HIBADH: variants seen among roughly 807,000 people sequenced by gnomAD.
HIBADH encodes 3-hydroxyisobutyrate dehydrogenase, mitochondrial.
In HIBADH, 25 loss-of-function variants were observed where a neutral mutation model predicts 36.1. The observed-to-expected ratio is 0.69, with a 90% confidence interval of 0.50 to 0.97. The LOEUF is 0.97. Ranked by LOEUF, HIBADH falls within the 50% of genes least tolerant of loss-of-function variation. The pLI, the probability that HIBADH is intolerant of heterozygous loss-of-function variation, is 0.00. For synonymous variants in HIBADH, 160 were observed against 149.5 expected (o/e 1.07, Z -0.51); for missense variants, 421 against 418.0 (o/e 1.01, Z -0.06).
intron 2 of HIBADH, among the ~76,000 whole-genome samples, chr7:27,635,656 T>A (rs537176653): frequency 6.6e-6 from 1 of 152,210 alleles, no homozygotes; most frequent in Non-Finnish European, 1.5e-5. Flanking sequence ...ACTGGAAGCA[T>A]GTGCAATGAT....
intron 1 of HIBADH, among the ~76,000 whole-genome samples, chr7:27,653,461 C>A (rs1016703511): frequency 1.3e-5 from 2 of 152,238 alleles, no homozygotes; most frequent in African/African-American, 4.8e-5. Flanking sequence ...ACCGGCCGGG[C>A]GTGGTGGCTC....
intron 5 of HIBADH, among the ~76,000 whole-genome samples, chr7:27,541,222 C>T (rs1444260270): frequency 6.8e-6 from 1 of 146,828 alleles, no homozygotes; most frequent in Non-Finnish European, 1.5e-5. Flanking sequence ...ATGATTTTTT[C>T]TTAATGGCGC....
intron 4 of HIBADH, among the ~76,000 whole-genome samples, chr7:27,603,043 C>T (rs1268762063): frequency 1.3e-5 from 2 of 152,090 alleles, no homozygotes; most frequent in African/African-American, 4.8e-5. Context: ...GTCGTTTTCA[C>T]CCCTTTTTTC....
intron 4 of HIBADH, among the ~76,000 whole-genome samples, chr7:27,603,268 C>A (rs1785163675): frequency 6.6e-6 from 1 of 152,116 alleles, no homozygotes; most frequent in East Asian, 1.9e-4. Flanking sequence ...AATGATGATG[C>A]TGCTGCATTT....
intron 4 of HIBADH, among the ~76,000 whole-genome samples, chr7:27,556,463 T>A (rs1784390463): frequency 6.6e-6 from 1 of 152,208 alleles, no homozygotes; most frequent in Non-Finnish European, 1.5e-5. Context: ...TTAATGGTTT[T>A]TTATTATTTG....
In HIBADH at chr7:27,550,157, C is replaced by T. The variant is rs141495631; in HGVS notation, c.485-7057G>A. Among the ~76,000 whole-genome samples the T allele has an allele frequency of 7.4e-3, 1,129 of 152,270 alleles. 10 individuals are homozygous for T. The highest frequency in any genetic ancestry group is 0.025 in the African/African-American group (1,044 of 41,550). On this transcript the variant is annotated intron_variant, in intron 4 of 7. Transcript: ENST00000265395. Reference sequence around the variant, plus strand: ...ATCTCTTTGCCTCATGATCCTCCTGCCTCGGCCTCCCAAAGTGCTGGGATT... The same window carrying T: ...ATCTCTTTGCCTCATGATCCTCCTGTCTCGGCCTCCCAAAGTGCTGGGATT...
chr7:27,624,270 A>G (rs1562648927), intron 4 of HIBADH, among the ~76,000 whole-genome samples: 1 of 152,228 alleles, frequency 6.6e-6, no homozygotes, highest in African/African-American at 2.4e-5. Context: ...CAACAAGAAC[A>G]AGGCTAGAGA....
At chr7:27,572,231 T>C (rs1307470861) in intron 4 of HIBADH, among the ~76,000 whole-genome samples, 2 of 152,216 alleles carry the variant, frequency 1.3e-5, no homozygotes, top group Non-Finnish European at 2.9e-5. Context: ...TACTACTCGA[T>C]TATTTGGTCA....
At chr7:27,552,043 T>C (rs377121825) in intron 4 of HIBADH, among the ~76,000 whole-genome samples, 1 of 152,244 alleles carries the variant, frequency 6.6e-6, no homozygotes, top group African/African-American at 2.4e-5. Context: ...AGAAAGCTGC[T>C]ACTCAACGAA....
chr7:27,601,115 G>A, intron 4 of HIBADH, among the ~76,000 whole-genome samples: 1 of 152,056 alleles, frequency 6.6e-6, no homozygotes. Flanking sequence ...AACTGTAAAA[G>A]TTAAATCATG....
chr7:27,649,483 G>C lies in HIBADH; in HGVS notation c.242C>G (p.Ala81Gly), dbSNP rs887130025. 2 of 1,610,352 alleles carry C rather than the reference G, an allele frequency of 1.2e-6. No individual in the cohort carries two copies. Among genetic ancestry groups the C allele is most frequent in the Admixed American group, 1.7e-5 (1 of 59,500 alleles). The change falls in exon 2 of 8, where the codon GCA (alanine) becomes GGA (glycine). Residue 81 changes from alanine to glycine, a missense_variant. Ala to Gly is a moderately conservative substitution (Grantham distance 60). Coordinates refer to ENST00000265395, the MANE Select transcript of HIBADH (RefSeq NM_152740.4). ...FPDACKEFQD[A>G]GEQVVSSPAD... is the part of the protein sequence containing the mutation. ...AAGAAAAGGTCTTACCTGTTCACCT[G>C]CATCTTGAAACTCTTTGCAGGCATC...
intron 7 of HIBADH, among the ~76,000 whole-genome samples, chr7:27,530,530 A>AAAAC (rs202102262): frequency 3.9e-5 from 6 of 151,958 alleles, no homozygotes; most frequent in Non-Finnish European, 7.4e-5. Context: ...TTAATCAGGA[A>AAAAC]AAACAAACAA....
intron 4 of HIBADH, among the ~76,000 whole-genome samples, chr7:27,601,687 T>C (rs1400430583): frequency 2.0e-5 from 3 of 152,040 alleles, no homozygotes; most frequent in Admixed American, 6.5e-5. Flanking sequence ...CTAAATAAGG[T>C]ATTCTGGCTT....
intron 4 of HIBADH, among the ~76,000 whole-genome samples, chr7:27,586,965 C>T (rs1784874808): frequency 6.6e-6 from 1 of 152,230 alleles, no homozygotes; most frequent in Non-Finnish European, 1.5e-5. Flanking sequence ...TGGGCGGTGC[C>T]GTCCATGCTG....
In HIBADH at chr7:27,526,367, C is replaced by A; in HGVS notation, c.858G>T (p.Leu286=). Residue 286 remains leucine (L), a synonymous_variant, in exon 8 of 8, where the codon CTG becomes CTT. Coordinates refer to ENST00000265395, the MANE Select transcript of HIBADH (RefSeq NM_152740.4). ...GFGTTLMAKD[L]GLAQDSATST... is the part of the protein sequence containing the mutation. ...TGGTAGCAGAGTCTTGTGCCAATCCCAGATCCTAAATCAAACAGGAGGAGA... is the reference window on the plus strand; with the variant it reads ...TGGTAGCAGAGTCTTGTGCCAATCCAAGATCCTAAATCAAACAGGAGGAGA... 6.2e-7 allele frequency: 1 copy of A among 1,609,498 alleles called. No individual in the cohort carries two copies. The highest frequency in any genetic ancestry group is 1.1e-5 in the South Asian group (1 of 90,210).
At chr7:27,577,659 T>C (rs1784732771) in intron 4 of HIBADH, among the ~76,000 whole-genome samples, 1 of 152,166 alleles carries the variant, frequency 6.6e-6, no homozygotes, top group African/African-American at 2.4e-5. Flanking sequence ...ACTTTGGGTG[T>C]GTTATTAAAA....
intron 4 of HIBADH, among the ~76,000 whole-genome samples, chr7:27,547,248 T>A (rs1236726217): frequency 6.6e-6 from 1 of 152,172 alleles, no homozygotes; most frequent in Non-Finnish European, 1.5e-5. Flanking sequence ...GAAATGTTCT[T>A]CCCCCAGATA....
intron 2 of HIBADH, among the ~76,000 whole-genome samples, chr7:27,640,306 T>G (rs1193812809): frequency 2.6e-5 from 4 of 152,184 alleles, no homozygotes; most frequent in Non-Finnish European, 5.9e-5. Flanking sequence ...CAAGGTGGGC[T>G]GATCACTTGA....
intron 4 of HIBADH, among the ~76,000 whole-genome samples, chr7:27,560,123 CTAT>C (rs1234372017): frequency 1.3e-5 from 2 of 152,060 alleles, no homozygotes; most frequent in African/African-American, 2.4e-5. Flanking sequence ...GTTTACATTT[CTAT>C]TATTATTATT....
Sources: gnomAD v4.1 joint callset for allele counts (sites outside exome capture counted in the v4.1 genomes callset) on GRCh38, gnomAD v4.1.1 for gene constraint, MANE v1.5 for transcripts, NCBI Gene and HGNC (gene_info 2026-07-23, HGNC 2026-07-21) for gene names.